Variants in NEGR1 observed in about 807,000 individuals in gnomAD.
The protein encoded by NEGR1 is neuronal growth regulator 1, also known as IgLON family member 4.
Under a neutral mutation model 40.9 loss-of-function variants are expected in NEGR1, and 10 were observed. That is an observed-to-expected ratio of 0.24 (90% CI 0.15 to 0.42). The LOEUF is 0.42. NEGR1 is among the 10% of genes least tolerant of loss of function. The pLI is 1.00. For synonymous variants in NEGR1, 185 were observed against 166.8 expected (o/e 1.11, Z -0.84); for missense variants, 352 against 438.9 (o/e 0.80, Z 1.77).
intron 4 of NEGR1, among the ~76,000 whole-genome samples, chr1:71,619,184 G>T (rs1222837166): frequency 1.3e-5 from 2 of 151,982 alleles, no homozygotes; most frequent in African/African-American, 4.8e-5. Flanking sequence ...AATATATTTG[G>T]CCAAGTTGTA....
At chr1:71,780,327 A>G (rs1198193640) in intron 2 of NEGR1, among the ~76,000 whole-genome samples, 2 of 152,158 alleles carry the variant, frequency 1.3e-5, no homozygotes, top group African/African-American at 2.4e-5. Flanking sequence ...ATGAGTGTAA[A>G]CTCATTTAAT....
intron 1 of NEGR1, among the ~76,000 whole-genome samples, chr1:71,980,058 C>A (rs1234358470): frequency 6.6e-6 from 1 of 152,074 alleles, no homozygotes; most frequent in Non-Finnish European, 1.5e-5. Context: ...AAAAAGAGTT[C>A]CTGCATAATA....
chr1:71,913,508 T>G (rs180740749), intron 2 of NEGR1, among the ~76,000 whole-genome samples: 1 of 152,214 alleles, frequency 6.6e-6, no homozygotes, highest in Non-Finnish European at 1.5e-5. Context: ...TAAACCCATA[T>G]TTTGCATGTG....
intron 2 of NEGR1, among the ~76,000 whole-genome samples, chr1:71,792,026 T>G (rs1392010098): frequency 1.3e-5 from 2 of 152,124 alleles, no homozygotes; most frequent in African/African-American, 4.8e-5. Flanking sequence ...ATTAAAATGT[T>G]AGGATGAGAA....
chr1:71,706,534 C>T (rs1653904493), intron 3 of NEGR1, among the ~76,000 whole-genome samples: 1 of 149,592 alleles, frequency 6.7e-6, no homozygotes, highest in African/African-American at 2.5e-5. Context: ...TCCCCATTCC[C>T]CTAACCCCAG....
chr1:71,836,457 A>T (rs1031083046), intron 2 of NEGR1, among the ~76,000 whole-genome samples: 2 of 129,764 alleles, frequency 1.5e-5, no homozygotes, highest in African/African-American at 2.8e-5. Flanking sequence ...CAAAAAAAAC[A>T]AAAAACAACA....
At chr1:71,881,000 G>T (rs1398929607) in intron 2 of NEGR1, among the ~76,000 whole-genome samples, 1 of 151,988 alleles carries the variant, frequency 6.6e-6, no homozygotes, top group Non-Finnish European at 1.5e-5. Flanking sequence ...GCAAAAGATG[G>T]GTGGTGTATA....
intron 1 of NEGR1, among the ~76,000 whole-genome samples, chr1:72,172,969 C>T (rs1182303044): frequency 6.6e-6 from 1 of 151,958 alleles, no homozygotes; most frequent in African/African-American, 2.4e-5. Context: ...GGAGAATTCA[C>T]GGACCATCCC....
chr1:72,124,873 A>T (rs1649949173), intron 1 of NEGR1, among the ~76,000 whole-genome samples: 1 of 152,140 alleles, frequency 6.6e-6, no homozygotes, highest in African/African-American at 2.4e-5. Flanking sequence ...AGTCACCTAT[A>T]TGATTTTAAA....
chr1:71,831,012 G>A (rs149770686), intron 2 of NEGR1, among the ~76,000 whole-genome samples: 6 of 151,966 alleles, frequency 3.9e-5, no homozygotes, highest in South Asian at 2.1e-4. Context: ...ATTAGAAAAC[G>A]TTTCTAAAGA....
At chr1:72,122,926 C>A (rs1292396045) in intron 1 of NEGR1, among the ~76,000 whole-genome samples, 1 of 151,850 alleles carries the variant, frequency 6.6e-6, no homozygotes, top group Non-Finnish European at 1.5e-5. Flanking sequence ...TCCATAACGG[C>A]ACCATGTAGG....
intron 1 of NEGR1, among the ~76,000 whole-genome samples, chr1:72,213,515 T>C (rs1296772674): frequency 1.3e-5 from 2 of 151,988 alleles, no homozygotes; most frequent in Non-Finnish European, 2.9e-5. Context: ...CAATCATATC[T>C]TCAGTGATTA....
chr1:71,951,266 C>G (rs1291636016), intron 1 of NEGR1, among the ~76,000 whole-genome samples: 1 of 151,918 alleles, frequency 6.6e-6, no homozygotes, highest in Non-Finnish European at 1.5e-5. Context: ...TTCATCTTTA[C>G]CAATGGCTGA....
intron 1 of NEGR1, among the ~76,000 whole-genome samples, chr1:72,015,303 A>G (rs1646699233): frequency 6.6e-6 from 1 of 152,228 alleles, no homozygotes; most frequent in African/African-American, 2.4e-5. Context: ...TTTTTAAAAA[A>G]GTTTAAAGTA....
At chr1:72,038,059 TA>T (rs1312614909) in intron 1 of NEGR1, among the ~76,000 whole-genome samples, 1 of 152,130 alleles carries the variant, frequency 6.6e-6, no homozygotes, top group African/African-American at 2.4e-5. Context: ...CAGGACTTAG[TA>T]AAAGTGTCAC....
At chr1:71,833,472 C>A (rs548894829) in intron 2 of NEGR1, among the ~76,000 whole-genome samples, 111 of 151,654 alleles carry the variant, frequency 7.3e-4, no homozygotes, top group Non-Finnish European at 1.5e-3. Context: ...GAATTCTCTA[C>A]AGAGAGAATC....
chr1:71,671,749 A>G lies in NEGR1; in HGVS notation c.667+26259T>C, dbSNP rs555633390. ...TTCTGTTCAACCTTCTTTGACTGCA[A>G]CTGTACTTTGGCAATCATGGGTCCC... is the stretch of plus-strand genomic sequence containing the variant. On this transcript the variant is annotated intron_variant, in intron 4 of 6. Coordinates refer to ENST00000357731, the MANE Select transcript of NEGR1 (RefSeq NM_173808.3). Among the ~76,000 whole-genome samples, 4 of 152,234 alleles carry G rather than the reference A, an allele frequency of 2.6e-5. No individual in the cohort carries two copies. The South Asian group carries it at 6.2e-4, about 24-fold the overall frequency.
intron 6 of NEGR1, among the ~76,000 whole-genome samples, chr1:71,562,794 C>A (rs537199840): frequency 6.6e-6 from 1 of 152,064 alleles, no homozygotes. Context: ...AAATTTATTT[C>A]TTGCTCACGT....
At chr1:72,006,475 C>T (rs1216936574) in intron 1 of NEGR1, among the ~76,000 whole-genome samples, 1 of 152,186 alleles carries the variant, frequency 6.6e-6, no homozygotes, top group Non-Finnish European at 1.5e-5. Flanking sequence ...ACCAAACCAA[C>T]TGTCCTGCTC....
Sources: gnomAD v4.1 joint callset for allele counts (sites outside exome capture counted in the v4.1 genomes callset) on GRCh38, gnomAD v4.1.1 for gene constraint, MANE v1.5 for transcripts, NCBI Gene and HGNC (gene_info 2026-07-23, HGNC 2026-07-21) for gene names.